SPAG16: variants seen among roughly 807,000 people sequenced by gnomAD.
SPAG16 encodes sperm associated antigen 16, also known as sperm-associated antigen 16 protein.
In SPAG16, 86 loss-of-function variants were observed where a neutral mutation model predicts 80.4. The observed-to-expected ratio is 1.07, with a 90% CI of 0.90 to 1.28. SPAG16 has a LOEUF of 1.28. Ranked by LOEUF, SPAG16 falls within the 50% of genes most tolerant of loss-of-function variation. The probability of loss-of-function intolerance (pLI) is 0.00; values close to 1 mark genes in which losing one functional copy is unlikely to be tolerated. For missense variants in SPAG16, 870 were observed against 765.3 expected, an observed-to-expected ratio of 1.14 and a Z score of -1.61; for synonymous variants, 294 against 265.9, an observed-to-expected ratio of 1.11 and a Z score of -1.03.
chr2:213,289,162 G>A (rs1157653673), intron 1 of SPAG16, among the ~76,000 whole-genome samples: 2 of 152,196 alleles, frequency 1.3e-5, no homozygotes, highest in African/African-American at 4.8e-5. Flanking sequence ...CTGGTGCTGC[G>A]GTTGCTGCTG....
At chr2:213,753,554 C>T (rs938999249) in intron 10 of SPAG16, among the ~76,000 whole-genome samples, 1 of 152,270 alleles carries the variant, frequency 6.6e-6, no homozygotes, top group Admixed American at 6.5e-5. Flanking sequence ...ACATTAGTTT[C>T]ATGTAATACT....
At chr2:214,177,479 C>CTTCT (rs1263791614) in intron 15 of SPAG16, among the ~76,000 whole-genome samples, 1 of 151,044 alleles carries the variant, frequency 6.6e-6, no homozygotes, top group Non-Finnish European at 1.5e-5. Flanking sequence ...GACTTTCCTG[C>CTTCT]TTCTGCCTGG....
intron 9 of SPAG16, among the ~76,000 whole-genome samples, chr2:213,403,145 T>C (rs9679485): frequency 0.25 from 38,297 of 151,074 alleles, 5,137 homozygotes; most frequent in Middle Eastern, 0.43. Context: ...TGGTATCTCA[T>C]TGTGGTTTTG....
At chr2:214,289,132 T>C (rs1319917834) in intron 15 of SPAG16, among the ~76,000 whole-genome samples, 2 of 152,206 alleles carry the variant, frequency 1.3e-5, no homozygotes, top group African/African-American at 4.8e-5. Flanking sequence ...TCTTGTATAT[T>C]TCAGATATTA....
chr2:214,103,724 C>G (rs1202156606), intron 13 of SPAG16, among the ~76,000 whole-genome samples: 1 of 152,052 alleles, frequency 6.6e-6, no homozygotes, highest in African/African-American at 2.4e-5. Flanking sequence ...AAGGAGTTGT[C>G]TGGATCAGAT....
chr2:213,815,096 A>G (rs746198395), intron 10 of SPAG16, among the ~76,000 whole-genome samples: 12 of 152,304 alleles, frequency 7.9e-5, no homozygotes, highest in South Asian at 6.2e-4. Flanking sequence ...CCAACCTACA[A>G]TAACAGAATA....
At chr2:213,762,109 T>C (rs1036998677) in intron 10 of SPAG16, among the ~76,000 whole-genome samples, 2 of 152,136 alleles carry the variant, frequency 1.3e-5, no homozygotes, top group Non-Finnish European at 2.9e-5. Flanking sequence ...ACACACATGA[T>C]TATCTCAATT....
At chr2:213,807,492 C>A (rs2071843521) in intron 10 of SPAG16, among the ~76,000 whole-genome samples, 2 of 152,166 alleles carry the variant, frequency 1.3e-5, no homozygotes, top group Admixed American at 6.6e-5. Context: ...TGAACAAAGT[C>A]TCTTTTATTC....
At position 214,356,375 on chromosome 2, in the gene SPAG16, A is replaced by T. The variant is rs139620169; in HGVS notation, c.1721-53765A>T. ...GATTGCATGCAAGTGATCCCAATTG[A>T]CACAATATGGAAGACAGTGGAGAAA... On this transcript the variant is annotated intron_variant, in intron 15 of 15. Transcript: ENST00000331683. 9.7e-3 allele frequency among the ~76,000 whole-genome samples: 1,475 copies of T among 151,822 alleles called. 17 individuals carry two copies. Among genetic ancestry groups the T allele is most frequent in the Non-Finnish European group, 0.014 (931 of 67,808 alleles).
Position 213,777,237 on chromosome 2 carries a change from A to ATTTTTTT in SPAG16, c.1071-85227_1071-85221dup, listed in dbSNP as rs59548915. Reference sequence around the variant, plus strand: ...TTCAGCAAGTGTCCAGTTTGTAGGAATTTTTTTTTTTTTTTTTTTTTTTTT... The same window carrying ATTTTTTT: ...TTCAGCAAGTGTCCAGTTTGTAGGAATTTTTTTTTTTTTTTTTTTTTTTTTTTTTTTT... On this transcript the variant is annotated intron_variant, in intron 10 of 15. Coordinates refer to ENST00000331683, the MANE Select transcript of SPAG16 (RefSeq NM_024532.5). Among the ~76,000 whole-genome samples, 14 of 82,702 alleles carry ATTTTTTT rather than the reference A, an allele frequency of 1.7e-4. 1 individual carries two copies. The highest frequency in any genetic ancestry group is 4.9e-4 in the African/African-American group (10 of 20,466). 54.3% of individuals were successfully genotyped at this position (82,702 alleles called of 152,430 possible).
intron 15 of SPAG16, among the ~76,000 whole-genome samples, chr2:214,377,215 G>A (rs1700181432): frequency 6.6e-6 from 1 of 152,122 alleles, no homozygotes; most frequent in Non-Finnish European, 1.5e-5. Flanking sequence ...AAAAAGTGAT[G>A]TCTCCCGGTT....
intron 10 of SPAG16, among the ~76,000 whole-genome samples, chr2:213,500,912 T>G (rs1197383411): frequency 6.6e-6 from 1 of 152,186 alleles, no homozygotes; most frequent in Non-Finnish European, 1.5e-5. Context: ...GATAAGAAAG[T>G]TGAAACTGTG....
intron 10 of SPAG16, among the ~76,000 whole-genome samples, chr2:213,592,842 AG>A (rs2060750536): frequency 6.6e-6 from 1 of 152,216 alleles, no homozygotes; most frequent in Admixed American, 6.5e-5. Context: ...TTCCTATAGC[AG>A]GTGGCTATTC....
intron 14 of SPAG16, among the ~76,000 whole-genome samples, chr2:214,127,390 C>T (rs2125482163): frequency 6.6e-6 from 1 of 151,870 alleles, no homozygotes; most frequent in South Asian, 2.1e-4. Context: ...ATATCACATG[C>T]TGTTCCTTTC....
intron 13 of SPAG16, among the ~76,000 whole-genome samples, chr2:214,054,353 T>C (rs1030184649): frequency 2.0e-5 from 3 of 152,216 alleles, no homozygotes; most frequent in Admixed American, 1.3e-4. Context: ...TATCTCCTTA[T>C]GGCTAAATAT....
Position 214,410,383 on chromosome 2 carries a change from C to A in SPAG16, c.*68C>A. On this transcript the variant is annotated 3_prime_UTR_variant, in exon 16 of 16. Transcript: ENST00000331683. ...TGAAAATGCCTCCTGTAGTCCCAAACCAGCAAAGAACTGGTTAAATGTGCC... is the reference window on the plus strand; with the variant it reads ...TGAAAATGCCTCCTGTAGTCCCAAAACAGCAAAGAACTGGTTAAATGTGCC... 6.9e-7 allele frequency: 1 copy of A among 1,440,868 alleles called. No individual in the cohort carries two copies. Among genetic ancestry groups the A allele is most frequent in the Non-Finnish European group, 9.4e-7 (1 of 1,058,672 alleles). The allele number at this position is 1,440,868 out of a possible 1,614,324, so 89.3% of individuals were successfully genotyped here.
chr2:213,888,540 T>C (rs992713607), intron 11 of SPAG16, among the ~76,000 whole-genome samples: 1 of 151,596 alleles, frequency 6.6e-6, no homozygotes, highest in Non-Finnish European at 1.5e-5. Context: ...ATAAATATGT[T>C]ATATATTATA....
chr2:213,319,858 G>T (rs1224440010), intron 5 of SPAG16, among the ~76,000 whole-genome samples: 1 of 151,882 alleles, frequency 6.6e-6, no homozygotes, highest in Non-Finnish European at 1.5e-5. Context: ...AAGAAGCCAG[G>T]ATTAAAATGT....
At chr2:213,302,371 T>C (rs2062771521) in intron 3 of SPAG16, 1 of 152,172 alleles carries the variant, frequency 6.6e-6, no homozygotes, top group Non-Finnish European at 1.5e-5. Flanking sequence ...TGGTTGCATG[T>C]ATGATATCTG....
Sources: gnomAD v4.1 joint callset for allele counts (sites outside exome capture counted in the v4.1 genomes callset) on GRCh38, gnomAD v4.1.1 for gene constraint, MANE v1.5 for transcripts, NCBI Gene and HGNC (gene_info 2026-07-23, HGNC 2026-07-21) for gene names.